EPHA6: variants seen among roughly 807,000 people sequenced by gnomAD.
The protein encoded by EPHA6 is EPH receptor A6.
EPHA6 carries 50 observed loss-of-function variants against 112.0 expected under a neutral mutation model. The ratio of observed to expected loss-of-function variants is 0.45; its 90% CI spans 0.36 to 0.56. The LOEUF is 0.56. EPHA6 is among the 20% of genes least tolerant of loss of function. EPHA6 has a pLI of 0.00. For synonymous variants in EPHA6, 529 were observed against 490.7 expected, an observed-to-expected ratio of 1.08 and a Z score of -1.03; for missense variants, 1,280 against 1,417.4, an observed-to-expected ratio of 0.90 and a Z score of 1.56.
At chr3:97,355,653 A>G (rs1006816243) in intron 5 of EPHA6, among the ~76,000 whole-genome samples, 2 of 152,196 alleles carry the variant, frequency 1.3e-5, no homozygotes, top group African/African-American at 4.8e-5. Flanking sequence ...AACAAATAAC[A>G]AAGTGGTAGG....
Position 97,251,815 on chromosome 3 carries a change from G to A in EPHA6, c.1606+7528G>A, listed in dbSNP as rs578158339. Among the ~76,000 whole-genome samples, 24 of 152,146 alleles carry A rather than the reference G, an allele frequency of 1.6e-4. 2 individuals carry two copies. Among genetic ancestry groups the A allele is most frequent in the Admixed American group, 1.6e-3 (24 of 15,288 alleles). ...GAAAAATAAAAATGCGGGACCCTTT[G>A]TTCAAAAAGTAGGAAAAGAGAGCCA... On this transcript the variant is annotated intron_variant, in intron 5 of 17. Coordinates refer to ENST00000389672, the MANE Select transcript of EPHA6 (RefSeq NM_001080448.3).
intron 3 of EPHA6, among the ~76,000 whole-genome samples, chr3:97,009,774 G>T (rs1247577586): frequency 1.3e-5 from 2 of 152,192 alleles, no homozygotes; most frequent in Non-Finnish European, 2.9e-5. Context: ...CAGTTCCACA[G>T]AAAAAGCAGT....
intron 3 of EPHA6, among the ~76,000 whole-genome samples, chr3:97,197,364 T>G (rs1227594967): frequency 6.6e-6 from 1 of 151,938 alleles, no homozygotes; most frequent in Non-Finnish European, 1.5e-5. Context: ...TTACTCAAGG[T>G]CCAAGCGCTC....
chr3:97,699,142 CTGGTTGTTCCATTGT>C (rs1174784056), intron 14 of EPHA6, among the ~76,000 whole-genome samples: 1 of 152,142 alleles, frequency 6.6e-6, no homozygotes, highest in African/African-American at 2.4e-5. Flanking sequence ...ACACATACTT[CTGGTTGTTCCATTGT>C]GATAACTAGT....
chr3:97,419,489 G>T (rs2088429857), intron 6 of EPHA6, among the ~76,000 whole-genome samples: 1 of 152,116 alleles, frequency 6.6e-6, no homozygotes, highest in Admixed American at 6.5e-5. Context: ...GCCTGGTGTG[G>T]TGGCAGGCAC....
intron 10 of EPHA6, among the ~76,000 whole-genome samples, chr3:97,509,663 C>T (rs2092328610): frequency 2.0e-5 from 3 of 152,002 alleles, no homozygotes; most frequent in African/African-American, 7.2e-5. Context: ...GATTATGTGT[C>T]TTGGGGTTGC....
chr3:97,487,992 G>C (rs986366518), intron 10 of EPHA6, among the ~76,000 whole-genome samples: 2 of 152,128 alleles, frequency 1.3e-5, no homozygotes. Context: ...GTCTGAAAAA[G>C]TCATTGAAAG....
intron 3 of EPHA6, among the ~76,000 whole-genome samples, chr3:97,100,444 C>G (rs1481796781): frequency 6.6e-6 from 1 of 151,664 alleles, no homozygotes; most frequent in African/African-American, 2.4e-5. Flanking sequence ...ATTTGGGACC[C>G]TATTATATAC....
chr3:97,007,892 G>A (rs558118801), intron 3 of EPHA6, among the ~76,000 whole-genome samples: 18 of 152,202 alleles, frequency 1.2e-4, no homozygotes, highest in African/African-American at 3.6e-4. Flanking sequence ...TAAATTCCTC[G>A]TTGAAAATTC....
chr3:97,189,926 C>T (rs1054114598), intron 3 of EPHA6, among the ~76,000 whole-genome samples: 7 of 152,056 alleles, frequency 4.6e-5, no homozygotes, highest in African/African-American at 1.7e-4. Flanking sequence ...TCCCATGCTA[C>T]AGAATCCCAT....
At chr3:97,210,932 A>T (rs2108513203) in intron 3 of EPHA6, among the ~76,000 whole-genome samples, 1 of 152,304 alleles carries the variant, frequency 6.6e-6, no homozygotes, top group Middle Eastern at 3.4e-3. Flanking sequence ...CCACGAGCTC[A>T]GCCAGAGCTA....
intron 7 of EPHA6, among the ~76,000 whole-genome samples, chr3:97,449,528 G>A (rs1676618610): frequency 6.6e-6 from 1 of 151,866 alleles, no homozygotes; most frequent in African/African-American, 2.4e-5. Context: ...ATAATAGCAA[G>A]CATTTATTGA....
chr3:97,033,144 C>G (rs1027628574), intron 3 of EPHA6, among the ~76,000 whole-genome samples: 1 of 151,868 alleles, frequency 6.6e-6, no homozygotes, highest in Non-Finnish European at 1.5e-5. Context: ...GAGGAGGCTG[C>G]TGGAGACTCG....
intron 14 of EPHA6, among the ~76,000 whole-genome samples, chr3:97,707,498 C>A (rs1347886177): frequency 4.6e-5 from 7 of 152,250 alleles, no homozygotes; most frequent in African/African-American, 1.7e-4. Flanking sequence ...CTGAAAGTTC[C>A]ATTGGTTTTA....
chr3:97,372,660 T>G (rs940670708), intron 5 of EPHA6, among the ~76,000 whole-genome samples: 10 of 152,134 alleles, frequency 6.6e-5, no homozygotes, highest in African/African-American at 2.4e-4. Flanking sequence ...CATTTGGGAA[T>G]TTAGAAGTGT....
intron 10 of EPHA6, among the ~76,000 whole-genome samples, chr3:97,488,778 G>A (rs1040908889): frequency 2.2e-4 from 33 of 152,278 alleles, no homozygotes; most frequent in African/African-American, 7.7e-4. Context: ...TTATGGTAGA[G>A]GTCACATTCA....
At chr3:97,336,763 A>T (rs184043483) in intron 5 of EPHA6, among the ~76,000 whole-genome samples, 1 of 152,200 alleles carries the variant, frequency 6.6e-6, no homozygotes, top group African/African-American at 2.4e-5. Context: ...TGTCTCAGAG[A>T]TCTCTTACTA....
At chr3:97,257,041 T>C (rs1214007041) in intron 5 of EPHA6, among the ~76,000 whole-genome samples, 1 of 151,926 alleles carries the variant, frequency 6.6e-6, no homozygotes, top group Non-Finnish European at 1.5e-5. Context: ...AGATTTAATA[T>C]AGGATAAAGA....
chr3:97,750,609 C>G lies in EPHA6; in HGVS notation c.*1908C>G, dbSNP rs1374334669. ...ACCTCAGATGATCTGCCCGCCTCAG[C>G]CTCTCAAAGTGCTGAGATTACAGGC... On this transcript the variant is annotated 3_prime_UTR_variant, in exon 18 of 18. Coordinates refer to ENST00000389672, the MANE Select transcript of EPHA6 (RefSeq NM_001080448.3). Among the ~76,000 whole-genome samples the G allele has an allele frequency of 6.6e-6, 1 of 152,126 alleles. No individual in the cohort carries two copies. Among genetic ancestry groups the G allele is most frequent in the East Asian group, 1.9e-4 (1 of 5,192 alleles).
Sources: gnomAD v4.1 joint callset for allele counts (sites outside exome capture counted in the v4.1 genomes callset) on GRCh38, gnomAD v4.1.1 for gene constraint, MANE v1.5 for transcripts, NCBI Gene and HGNC (gene_info 2026-07-23, HGNC 2026-07-21) for gene names.